RAB3B: variants seen among roughly 807,000 people sequenced by gnomAD.
The protein encoded by RAB3B is ras-related protein Rab-3B.
A neutral mutation model predicts 20.5 loss-of-function variants in RAB3B; 11 were observed. The ratio of observed to expected loss-of-function variants is 0.54; its 90% CI spans 0.34 to 0.89. The LOEUF is 0.89. Among genes scored for constraint, RAB3B ranks in the 40% least tolerant of loss-of-function variants. The pLI is 0.02. For missense variants in RAB3B, 225 were observed against 280.9 expected (o/e 0.80, Z 1.42); for synonymous variants, 99 against 106.3 (o/e 0.93, Z 0.42).
chr1:51,921,917 C>T (rs906488694), intron 4 of RAB3B, among the ~76,000 whole-genome samples: 2 of 152,130 alleles, frequency 1.3e-5, no homozygotes, highest in African/African-American at 2.4e-5. Flanking sequence ...AGGGCTGAAG[C>T]CCCCCAGGTA....
Position 51,919,421 on chromosome 1 carries a change from G to C in RAB3B, c.*506C>G, listed in dbSNP as rs1029212549. On this transcript the variant is annotated 3_prime_UTR_variant, in exon 5 of 5. Transcript: ENST00000371655. ...CCTGTGGGCATCCGTGGTAACAGGC[G>C]CAGGGCTTTGAGAGCCCAAGCTTGA... The C allele has an allele frequency of 6.5e-6, 1 of 152,772 alleles. No individual in the cohort carries two copies. The highest frequency in any genetic ancestry group is 1.5e-5 in the Non-Finnish European group (1 of 68,426). The allele number at this position is 152,772 out of a possible 1,614,324, so 9.5% of individuals were successfully genotyped here.
intron 3 of RAB3B, among the ~76,000 whole-genome samples, chr1:51,936,301 C>T (rs1294794593): frequency 9.2e-5 from 14 of 152,154 alleles, no homozygotes; most frequent in Admixed American, 9.2e-4. Flanking sequence ...AGGAAGAAAG[C>T]TATAAGTTGC....
chr1:51,950,764 G>C (rs1684630279), intron 2 of RAB3B, among the ~76,000 whole-genome samples: 1 of 152,186 alleles, frequency 6.6e-6, no homozygotes, highest in African/African-American at 2.4e-5. Flanking sequence ...GGATGGGGAT[G>C]ATGAGCACCA....
chr1:51,931,748 G>T (rs947170259), intron 4 of RAB3B, among the ~76,000 whole-genome samples: 1 of 152,042 alleles, frequency 6.6e-6, no homozygotes, highest in Non-Finnish European at 1.5e-5. Flanking sequence ...TCTGGCAGGG[G>T]GCTGGGAAAG....
At chr1:51,921,439 A>G (rs115239560) in intron 4 of RAB3B, among the ~76,000 whole-genome samples, 1,667 of 152,274 alleles carry the variant, frequency 0.011, 39 homozygotes, top group South Asian at 0.094. Context: ...CGGAAACTGG[A>G]TTTAGACCTG....
intron 1 of RAB3B, among the ~76,000 whole-genome samples, chr1:51,987,847 C>T (rs1685171473): frequency 6.6e-6 from 1 of 152,064 alleles, no homozygotes; most frequent in Non-Finnish European, 1.5e-5. Flanking sequence ...AATATACAGA[C>T]TTCACCTCCC....
chr1:51,953,944 G>A (rs1321927418), intron 2 of RAB3B, among the ~76,000 whole-genome samples: 2 of 152,294 alleles, frequency 1.3e-5, no homozygotes, highest in South Asian at 4.1e-4. Flanking sequence ...ATAACATTCA[G>A]TGTTCACAAA....
rs1381730348 is a variant in RAB3B at position 51,936,095 on chromosome 1, GAGA to G, written c.347+1196_347+1198del. On this transcript the variant is annotated intron_variant, in intron 3 of 4. Coordinates refer to ENST00000371655, the MANE Select transcript of RAB3B (RefSeq NM_002867.4). ...TCGAAGGTCACCATTAGGCAAAAGG[GAGA>G]AGGAGACAAGCCCAGCACTGGCCAG... Among the ~76,000 whole-genome samples, 5 of 152,280 alleles carry G rather than the reference GAGA, an allele frequency of 3.3e-5. No homozygotes were observed. The South Asian group carries it at 8.3e-4, about 25-fold the overall frequency.
intron 4 of RAB3B, among the ~76,000 whole-genome samples, chr1:51,925,663 C>T (rs1684234146): frequency 6.6e-6 from 1 of 152,228 alleles, no homozygotes; most frequent in African/African-American, 2.4e-5. Flanking sequence ...TGTGGAATTA[C>T]TGATCCCAGA....
intron 2 of RAB3B, among the ~76,000 whole-genome samples, chr1:51,972,444 T>A (rs751503611): frequency 6.6e-6 from 1 of 152,096 alleles, no homozygotes; most frequent in African/African-American, 2.4e-5. Context: ...AAGCCCTAGA[T>A]AGTACCTAAT....
intron 2 of RAB3B, among the ~76,000 whole-genome samples, chr1:51,970,750 A>C (rs1349660752): frequency 6.6e-6 from 1 of 152,110 alleles, no homozygotes; most frequent in East Asian, 1.9e-4. Context: ...TCACACCTAT[A>C]ATCCCAGCAC....
intron 2 of RAB3B, among the ~76,000 whole-genome samples, chr1:51,956,724 T>C (rs1034045957): frequency 1.3e-5 from 2 of 152,212 alleles, no homozygotes; most frequent in African/African-American, 4.8e-5. Context: ...TCCTCCTGTA[T>C]GACTCGCATT....
intron 2 of RAB3B, chr1:51,973,680 G>A (rs1289341071): frequency 3.9e-5 from 6 of 152,182 alleles, no homozygotes; most frequent in African/African-American, 1.4e-4. Flanking sequence ...CTCTTTAAAA[G>A]CCACATATCC....
intron 2 of RAB3B, among the ~76,000 whole-genome samples, chr1:51,953,983 G>A (rs867267141): frequency 1.3e-5 from 2 of 152,058 alleles, no homozygotes; most frequent in East Asian, 3.8e-4. Context: ...TTTCACTACC[G>A]AGAATCTGTC....
At chr1:51,952,361 C>T (rs977937591) in intron 2 of RAB3B, among the ~76,000 whole-genome samples, 1 of 152,150 alleles carries the variant, frequency 6.6e-6, no homozygotes, top group African/African-American at 2.4e-5. Flanking sequence ...ATGGATATAG[C>T]TATTGATTTC....
rs780159557 is a variant in RAB3B, at chr1:51,909,211, G to C, written c.*10716C>G. The C allele has an allele frequency of 2.6e-5, 4 of 152,172 alleles. No homozygotes were observed. The highest frequency in any genetic ancestry group is 6.6e-5 in the Admixed American group (1 of 15,250). 9.4% of individuals were successfully genotyped at this position (152,172 alleles called of 1,614,324 possible). On this transcript the variant is annotated 3_prime_UTR_variant, in exon 5 of 5. Transcript: ENST00000371655. ...GAGTGTGTATTGAGGTGGAGGGAAG[G>C]AGCTGAAAGAAGGAGGGGATCCTTG...
chr1:51,983,859 C>G (rs988123426), intron 1 of RAB3B, among the ~76,000 whole-genome samples: 2 of 151,824 alleles, frequency 1.3e-5, no homozygotes, highest in Non-Finnish European at 2.9e-5. Context: ...AGTCAGGAGG[C>G]TGAAGCACAA....
chr1:51,985,323 A>G (rs1367652192), intron 1 of RAB3B, among the ~76,000 whole-genome samples: 2 of 152,136 alleles, frequency 1.3e-5, no homozygotes, highest in East Asian at 1.9e-4. Context: ...GGCTTTATCC[A>G]TCCTTACATC....
At chr1:51,935,834 A>G (rs2124253650) in intron 3 of RAB3B, among the ~76,000 whole-genome samples, 1 of 152,252 alleles carries the variant, frequency 6.6e-6, no homozygotes, top group South Asian at 2.1e-4. Context: ...GACCCAAGGT[A>G]GAGGGAAGAA....
Sources: gnomAD v4.1 joint callset for allele counts (sites outside exome capture counted in the v4.1 genomes callset) on GRCh38, gnomAD v4.1.1 for gene constraint, MANE v1.5 for transcripts, NCBI Gene and HGNC (gene_info 2026-07-23, HGNC 2026-07-21) for gene names.